Variants in DST observed in about 807,000 individuals in gnomAD.
DST encodes the protein dystonin.
Under a neutral mutation model 875.2 loss-of-function variants are expected in DST, and 253 were observed. The ratio of observed to expected loss-of-function variants is 0.29; its 90% CI spans 0.26 to 0.32. The LOEUF is 0.32. Ranked by LOEUF, DST falls within the 10% of genes least tolerant of loss-of-function variation. The probability of loss-of-function intolerance (pLI) is 1.00; values close to 1 mark genes in which losing one functional copy is unlikely to be tolerated. For synonymous variants in DST, 3,124 were observed against 3,197.1 expected, an observed-to-expected ratio of 0.98 and a Z score of 0.77; for missense variants, 8,287 against 9,111.6, an observed-to-expected ratio of 0.91 and a Z score of 3.68.
intron 4 of DST, among the ~76,000 whole-genome samples, chr6:56,831,953 T>TTTCA (rs1156762954): frequency 5.9e-5 from 9 of 152,214 alleles, no homozygotes; most frequent in Non-Finnish European, 1.0e-4. Context: ...TATAAAAGTA[T>TTTCA]TTCATTCCAT....
intron 4 of DST, among the ~76,000 whole-genome samples, chr6:56,835,359 T>C (rs2099792335): frequency 6.6e-6 from 1 of 152,218 alleles, no homozygotes; most frequent in African/African-American, 2.4e-5. Context: ...AACTACGTAA[T>C]TGATGAATCA....
intron 9 of DST, among the ~76,000 whole-genome samples, chr6:56,698,462 A>C (rs1348909110): frequency 6.6e-6 from 1 of 151,904 alleles, no homozygotes; most frequent in Non-Finnish European, 1.5e-5. Context: ...AGTAGCTGGG[A>C]CTACAGGTGC....
intron 50 of DST, among the ~76,000 whole-genome samples, chr6:56,574,704 TC>T (rs2097839572): frequency 6.6e-6 from 1 of 152,122 alleles, no homozygotes; most frequent in African/African-American, 2.4e-5. Flanking sequence ...CATGTTAACA[TC>T]CTACATTCTA....
At chr6:56,572,644 G>T (rs1311809866) in intron 52 of DST, 103 bp downstream of exon 52, 3 of 835,278 alleles carry the variant, frequency 3.6e-6, no homozygotes, top group Non-Finnish European at 5.4e-6. Context: ...TAATCTATAA[G>T]CAATTAAAAT....
chr6:56,511,188 A>C lies in DST; in HGVS notation c.18780+9T>G. On this transcript the variant is annotated intron_variant, in intron 73 of 103. Coordinates refer to ENST00000680361, the MANE Select transcript of DST (RefSeq NM_001374736.1). ...AGAACCCAATTCTATATCTAGTGTA[A>C]ACAATTACCTGAGTTGATTGAGAAA... is the stretch of plus-strand genomic sequence containing the variant. 1.3e-6 allele frequency: 2 copies of C among 1,568,842 alleles called. No individual in the cohort carries two copies. Among genetic ancestry groups the C allele is most frequent in the South Asian group, 2.3e-5 (2 of 85,536 alleles).
At chr6:56,524,471 G>A (rs2096761867) in intron 69 of DST, among the ~76,000 whole-genome samples, 4 of 152,100 alleles carry the variant, frequency 2.6e-5, no homozygotes, top group Non-Finnish European at 5.9e-5. Context: ...TTTATGAGGA[G>A]GCACAGCAGT....
chr6:56,746,968 G>C (rs2099574383), intron 4 of DST, among the ~76,000 whole-genome samples: 1 of 152,074 alleles, frequency 6.6e-6, no homozygotes, highest in South Asian at 2.1e-4. Context: ...ACAGGGGAGG[G>C]GTGAGAGTTG....
At chr6:56,493,956 C>T (rs1008443882) in intron 83 of DST, 54 bp downstream of exon 83, 2 of 1,398,426 alleles carry the variant, frequency 1.4e-6, no homozygotes, top group African/African-American at 1.4e-5. Flanking sequence ...AGGCCAAGTC[C>T]AAGACATGAA....
intron 63 of DST, among the ~76,000 whole-genome samples, chr6:56,533,818 T>A (rs986934175): frequency 1.3e-5 from 2 of 152,154 alleles, no homozygotes; most frequent in African/African-American, 4.8e-5. Flanking sequence ...AATTTCCCAA[T>A]ATGCTGAAGT....
chr6:56,645,298 T>A (rs190539461), intron 15 of DST, among the ~76,000 whole-genome samples: 1 of 152,260 alleles, frequency 6.6e-6, no homozygotes, highest in African/African-American at 2.4e-5. Context: ...GACTAAATGG[T>A]ACCTTCCTGG....
In DST at chr6:56,605,389, T is replaced by C. The variant is rs752353821; in HGVS notation, c.9239A>G (p.Asn3080Ser). ...AATTAACTTGAAACTATCCCTTGTATTTTTACCAGGCAAAAGTTTGAGATG... is the reference window on the plus strand; with the variant it reads ...AATTAACTTGAAACTATCCCTTGTACTTTTACCAGGCAAAAGTTTGAGATG... ...NRHLKLLPGK[N>S]TRDSFKLINS... is the part of the protein sequence containing the mutation. The change falls in exon 40 of 104, where the codon AAT (asparagine) becomes AGT (serine). Residue 3080 changes from asparagine (N) to serine (S), a missense_variant. Coordinates refer to ENST00000680361, the MANE Select transcript of DST (RefSeq NM_001374736.1). The C allele has an allele frequency of 4.3e-6, 7 of 1,612,532 alleles. No individual in the cohort carries two copies. The highest frequency in any genetic ancestry group is 1.7e-5 in the Admixed American group (1 of 59,784).
intron 3 of DST, chr6:56,871,559 T>A: frequency 9.8e-7 from 1 of 1,016,492 alleles, no homozygotes. Flanking sequence ...ACAAAGCACC[T>A]AAGACACACT....
chr6:56,493,897 A>T, intron 83 of DST, 113 bp downstream of exon 83: 1 of 805,028 alleles, frequency 1.2e-6, no homozygotes, highest in Non-Finnish European at 1.7e-6. Context: ...AAAAATGTTT[A>T]AACATAAATC....
rs931437662 is a variant in DST, at chr6:56,584,169, T to C, written c.12904-5232A>G. Reference sequence around the variant, plus strand: ...CTTGATGGGGATGGCACTGAATCTATAAATTATCTTGGGCAGTATGGCCAT... The same window carrying C: ...CTTGATGGGGATGGCACTGAATCTACAAATTATCTTGGGCAGTATGGCCAT... On this transcript the variant is annotated intron_variant, in intron 49 of 103. Transcript: ENST00000680361. Among the ~76,000 whole-genome samples, 2 of 152,132 alleles carry C rather than the reference T, an allele frequency of 1.3e-5. 1 individual carries two copies. The highest frequency in any genetic ancestry group is 2.9e-5 in the Non-Finnish European group (2 of 68,034).
At chr6:56,752,944 AC>A (rs1482194317) in intron 4 of DST, among the ~76,000 whole-genome samples, 1 of 152,034 alleles carries the variant, frequency 6.6e-6, no homozygotes, top group Non-Finnish European at 1.5e-5. Flanking sequence ...GACATGCACC[AC>A]CACACCTGGC....
At chr6:56,603,527 G>A (rs2098465526) in intron 41 of DST, 37 bp downstream of exon 41, 1 of 1,594,140 alleles carries the variant, frequency 6.3e-7, no homozygotes, top group African/African-American at 1.4e-5. Context: ...TACATCAGCT[G>A]ACTACCATCC....
chr6:56,511,321 C>T lies in DST; in HGVS notation c.18656G>A (p.Ser6219Asn). The T allele has an allele frequency of 6.2e-7, 1 of 1,607,444 alleles. No individual in the cohort carries two copies. The highest frequency in any genetic ancestry group is 8.5e-7 in the Non-Finnish European group (1 of 1,176,768). The change falls in exon 73 of 104, where the codon AGC (serine) becomes AAC (asparagine). Residue 6219 changes from serine to asparagine, a missense_variant. Ser to Asn is a conservative substitution (Grantham distance 46, BLOSUM62 1). Transcript: ENST00000680361. ...NKTGPQLLEL[S>N]PGEGFSIQEK... ...TTGGATAGAAAAGCCTTCCCCAGGG[C>T]TCAATTCCAGTAACTGTGGCCCAGT... is the stretch of plus-strand genomic sequence containing the variant.
intron 2 of DST, among the ~76,000 whole-genome samples, chr6:56,923,821 A>G (rs1805552304): frequency 6.6e-6 from 1 of 152,004 alleles, no homozygotes; most frequent in African/African-American, 2.4e-5. Flanking sequence ...TGTTAATCTC[A>G]TCCAAAAACA....
Position 56,555,330 on chromosome 6 carries a change from T to G in DST, c.15136+15A>C, listed in dbSNP as rs772205824. 1.9e-6 allele frequency: 3 copies of G among 1,550,620 alleles called. No individual in the cohort carries two copies. The highest frequency in any genetic ancestry group is 2.6e-6 in the Non-Finnish European group (3 of 1,150,546). ...ATTTCTGACCAGGAAATATATGTAT[T>G]AAAAGTAGACAAACCTGCTTTCTGT... On this transcript the variant is annotated intron_variant, in intron 60 of 103. Transcript: ENST00000680361.
Sources: allele counts gnomAD v4.1 joint callset (sites outside exome capture counted in the v4.1 genomes callset), GRCh38; gene constraint gnomAD v4.1.1; transcripts MANE v1.5; gene names NCBI Gene and HGNC (gene_info 2026-07-23, HGNC 2026-07-21).